The following TTC7A variants were observed in gnomAD, a reference collection of about 807,000 sequenced individuals.
TTC7A encodes the protein tetratricopeptide repeat domain 7A, also known as tetratricopeptide repeat protein 7A.
TTC7A carries 110 observed loss-of-function variants against 103.7 expected under a neutral mutation model. The ratio of observed to expected loss-of-function variants is 1.06; its 90% CI spans 0.91 to 1.24. TTC7A has a LOEUF of 1.24. Ranked by LOEUF, TTC7A falls within the 50% of genes most tolerant of loss-of-function variation. The pLI, the probability that TTC7A is intolerant of heterozygous loss-of-function variation, is 0.00. For missense variants in TTC7A, 1,340 were observed against 1,116.3 expected (o/e 1.20, Z -2.86); for synonymous variants, 521 against 467.9 (o/e 1.11, Z -1.47).
At chr2:47,023,608 C>G in intron 13 of TTC7A, 143 bp downstream of exon 13, 3 of 910,794 alleles carry the variant, frequency 3.3e-6, no homozygotes. Context: ...ACACAGCAAG[C>G]AGGGATAGGC....
At chr2:46,936,451 G>A (rs572343999), upstream of TTC7A, among the ~76,000 whole-genome samples, 63 of 152,138 alleles carry the variant, frequency 4.1e-4, no homozygotes, top group African/African-American at 1.4e-3. Context: ...CAATCTCTCC[G>A]GACCCTCTGT....
In TTC7A at chr2:47,074,682, G is replaced by C. The variant is rs1685079805; in HGVS notation, c.*759G>C. ...TAGGCTACAATGCAGGTCCCTTGAGGGCCACCAACATGGAGGTAGGCAGTT... is the reference window on the plus strand; with the variant it reads ...TAGGCTACAATGCAGGTCCCTTGAGCGCCACCAACATGGAGGTAGGCAGTT... On this transcript the variant is annotated 3_prime_UTR_variant, in exon 20 of 20. Transcript: ENST00000319190. The C allele has an allele frequency of 6.6e-6, 1 of 152,302 alleles. No homozygotes were observed. Among genetic ancestry groups the C allele is most frequent in the Admixed American group, 6.5e-5 (1 of 15,274 alleles). The allele number at this position is 152,302 out of a possible 1,614,324, so 9.4% of individuals were successfully genotyped here.
chr2:47,022,907 G>A (rs748463923), intron 12 of TTC7A, among the ~76,000 whole-genome samples: 1 of 152,232 alleles, frequency 6.6e-6, no homozygotes, highest in African/African-American at 2.4e-5. Flanking sequence ...TTCTGATCAG[G>A]TTTGGGAGGG....
intron 5 of TTC7A, among the ~76,000 whole-genome samples, chr2:46,980,791 GC>G (rs1304630441): frequency 1.3e-5 from 2 of 152,216 alleles, no homozygotes; most frequent in Non-Finnish European, 2.9e-5. Flanking sequence ...GTCTCAACTG[GC>G]TACAAATCAG....
chr2:46,974,840 G>C, intron 3 of TTC7A, 133 bp from the exon 4 acceptor site: 17 of 1,249,296 alleles, frequency 1.4e-5, no homozygotes, highest in African/African-American at 1.6e-5. Context: ...CCTCCCCTCC[G>C]CAGACCTCCG....
intron 3 of TTC7A, among the ~76,000 whole-genome samples, chr2:46,972,182 A>G (rs534920358): frequency 6.6e-5 from 10 of 151,740 alleles, no homozygotes; most frequent in African/African-American, 1.9e-4. Context: ...AGTTTATTCA[A>G]TATTTTTCCT....
In TTC7A at chr2:46,978,915, A is replaced by C; in HGVS notation, c.764+8A>C. The C allele has an allele frequency of 6.2e-7, 1 of 1,604,506 alleles. No individual in the cohort carries two copies. On this transcript the variant is annotated splice_region_variant and intron_variant, in intron 5 of 19. Coordinates refer to ENST00000319190, the MANE Select transcript of TTC7A (RefSeq NM_020458.4). ...GAAAAACCTGAAGAAGGGGTAGGTC[A>C]CTGGTAGTTGAGTGAGTGGGAGAAC...
intron 15 of TTC7A, among the ~76,000 whole-genome samples, chr2:47,036,506 G>T (rs541249931): frequency 6.6e-6 from 1 of 152,278 alleles, no homozygotes; most frequent in Admixed American, 6.5e-5. Context: ...TTAGTCTCTG[G>T]GAAGGTAATA....
chr2:46,974,898 C>G, intron 3 of TTC7A, 75 bp from the exon 4 acceptor site: 1 of 1,573,500 alleles, frequency 6.4e-7, no homozygotes, highest in Non-Finnish European at 8.7e-7. Context: ...ATGAGCCCAC[C>G]TTCGGCCCAT....
At chr2:46,940,432 G>C (rs1418339454), upstream of TTC7A, among the ~76,000 whole-genome samples, 1 of 152,164 alleles carries the variant, frequency 6.6e-6, no homozygotes, top group Non-Finnish European at 1.5e-5. This position sits in a 1 kb window ranked among gnomAD's most constrained non-coding sequence, Gnocchi z 4.7. Context: ...CTCCCCCCAA[G>C]GGTGGACCTC....
At chr2:46,937,003 T>C (rs1670011962), upstream of TTC7A, among the ~76,000 whole-genome samples, 1 of 152,008 alleles carries the variant, frequency 6.6e-6, no homozygotes, top group Admixed American at 6.6e-5. The surrounding 1 kb of genome is among the most constrained non-coding windows in gnomAD (Gnocchi z 4.0). Flanking sequence ...CACAGGCACC[T>C]GCCCACCATG....
At chr2:47,073,677 A>C in intron 19 of TTC7A, 25 bp from the exon 20 acceptor site, 1 of 1,611,024 alleles carries the variant, frequency 6.2e-7, no homozygotes, top group Non-Finnish European at 8.5e-7. Context: ...ACCCCTACTC[A>C]CCCTGCCCTG....
At chr2:47,004,546 C>T (rs114256852) in intron 8 of TTC7A, among the ~76,000 whole-genome samples, 4,596 of 152,216 alleles carry the variant, frequency 0.03, 135 homozygotes, top group Admixed American at 0.074. Context: ...GTTAGGAAGG[C>T]TGAGTCCTTG....
At chr2:46,996,123 TG>T (rs1676155109) in intron 8 of TTC7A, among the ~76,000 whole-genome samples, 1 of 152,178 alleles carries the variant, frequency 6.6e-6, no homozygotes, top group African/African-American at 2.4e-5. Flanking sequence ...CCAAGCACTT[TG>T]GGTGCTCAGC....
intron 15 of TTC7A, among the ~76,000 whole-genome samples, chr2:47,038,185 G>C (rs999470089): frequency 6.6e-6 from 1 of 151,110 alleles, no homozygotes. Flanking sequence ...CTTGAACCCA[G>C]GAGGTGGAGG....
intron 5 of TTC7A, among the ~76,000 whole-genome samples, chr2:46,990,697 G>C (rs1421210655): frequency 6.6e-6 from 1 of 152,190 alleles, no homozygotes; most frequent in African/African-American, 2.4e-5. Flanking sequence ...GACTTAGGGA[G>C]GCTGCCTCAC....
At chr2:46,956,690 G>C (rs189297371) in intron 2 of TTC7A, 149 bp from the exon 3 acceptor site, 2 of 763,250 alleles carry the variant, frequency 2.6e-6, no homozygotes, top group Admixed American at 4.3e-5. Flanking sequence ...GGGAGCTGTC[G>C]GCATGTGCTT....
At chr2:47,000,537 G>T (rs750641635) in intron 8 of TTC7A, among the ~76,000 whole-genome samples, 11 of 152,168 alleles carry the variant, frequency 7.2e-5, no homozygotes, top group Non-Finnish European at 1.3e-4. Context: ...GGCCTGGGTC[G>T]CTGGGTGGAT....
rs1338240251 is a variant in TTC7A, at chr2:46,994,459, G to C, written c.946G>C (p.Glu316Gln). 1 of 1,614,090 alleles carries C rather than the reference G, an allele frequency of 6.2e-7. No homozygotes were observed. The highest frequency in any genetic ancestry group is 1.1e-5 in the South Asian group (1 of 91,088). ...HPLPEFMGKE[E>Q]SSFATQALRK... is the part of the protein sequence containing the mutation. ...TCTGCCTGAGTTCATGGGCAAGGAGGAGAGTTCTTTCGCCACTCAGGCCCT... is the reference window on the plus strand; with the variant it reads ...TCTGCCTGAGTTCATGGGCAAGGAGCAGAGTTCTTTCGCCACTCAGGCCCT... The change falls in exon 7 of 20, where the codon GAG becomes CAG. Residue 316 changes from glutamate to glutamine, a missense_variant. Physicochemically the swap from Glu to Gln is conservative, Grantham distance 29 (BLOSUM62 2). Coordinates refer to ENST00000319190, the MANE Select transcript of TTC7A (RefSeq NM_020458.4).
Sources: gnomAD v4.1 joint callset for allele counts (sites outside exome capture counted in the v4.1 genomes callset) on GRCh38, gnomAD v4.1.1 for gene constraint, Gnocchi (gnomAD v3.1) non-coding constraint, MANE v1.5 for transcripts, NCBI Gene and HGNC (gene_info 2026-07-23, HGNC 2026-07-21) for gene names.